The following RAD51B variants were observed in gnomAD, a reference collection of about 807,000 sequenced individuals.
RAD51B encodes the protein RAD51 paralog B.
Under a neutral mutation model 42.2 loss-of-function variants are expected in RAD51B, and 38 were observed. The observed-to-expected ratio is 0.90, with a 90% CI of 0.70 to 1.18. The LOEUF (loss-of-function observed/expected upper bound fraction) is 1.18, where lower values mean the gene tolerates loss of function less well. RAD51B is among the 50% of genes most tolerant of loss of function. The pLI, the probability that RAD51B is intolerant of heterozygous loss-of-function variation, is 0.00. For synonymous variants in RAD51B, 154 were observed against 145.2 expected, an observed-to-expected ratio of 1.06 and a Z score of -0.43; for missense variants, 373 against 400.7, an observed-to-expected ratio of 0.93 and a Z score of 0.59.
chr14:67,960,798 AGCTGGAACAACAG>A (rs2074647958), intron 7 of RAD51B, among the ~76,000 whole-genome samples: 1 of 151,992 alleles, frequency 6.6e-6, no homozygotes, highest in South Asian at 2.1e-4. Context: ...CCTCCCAAGT[AGCTGGAACAACAG>A]GCACCTGCCT....
chr14:68,056,240 ACT>A (rs1195790794), intron 7 of RAD51B, among the ~76,000 whole-genome samples: 1 of 151,610 alleles, frequency 6.6e-6, no homozygotes, highest in Non-Finnish European at 1.5e-5. Context: ...CTCACTGTAA[ACT>A]CTGCCTCCCA....
intron 7 of RAD51B, among the ~76,000 whole-genome samples, chr14:68,093,587 CTT>C (rs1269029645): frequency 4.6e-5 from 7 of 152,014 alleles, no homozygotes; most frequent in Admixed American, 2.6e-4. Flanking sequence ...TGATTCATCT[CTT>C]TTTTCTTCTT....
intron 7 of RAD51B, among the ~76,000 whole-genome samples, chr14:68,204,074 A>T (rs1249647709): frequency 6.6e-6 from 1 of 152,152 alleles, no homozygotes; most frequent in Non-Finnish European, 1.5e-5. Context: ...TCCTTCATGA[A>T]CTTTTGCTTT....
chr14:68,460,956 A>G (rs1372414058), intron 9 of RAD51B, among the ~76,000 whole-genome samples: 1 of 152,176 alleles, frequency 6.6e-6, no homozygotes, highest in Non-Finnish European at 1.5e-5. Context: ...TTATTCACTC[A>G]TTCATTCTTG....
rs1047496769 is a variant in RAD51B at position 68,441,378 on chromosome 14, TA to T, written c.958-26787del. Among the ~76,000 whole-genome samples, 4 of 143,106 alleles carry T rather than the reference TA, an allele frequency of 2.8e-5. 1 individual carries two copies. Among genetic ancestry groups the T allele is most frequent in the Non-Finnish European group, 6.1e-5 (4 of 65,368 alleles). 93.9% of individuals were successfully genotyped at this position (143,106 alleles called of 152,430 possible). A position where few individuals can be genotyped will look rare whatever the true frequency, so the allele number is the denominator to read the frequency against. Reference sequence around the variant, plus strand: ...TAACACGGTGAAACCCCGTCTCTAGTAAAAAAACAAAAAATTAGCCGGGCGC... The same window carrying T: ...TAACACGGTGAAACCCCGTCTCTAGTAAAAAACAAAAAATTAGCCGGGCGC... On this transcript the variant is annotated intron_variant, in intron 9 of 10. Transcript: ENST00000471583.
intron 7 of RAD51B, among the ~76,000 whole-genome samples, chr14:68,004,655 C>G (rs1241753564): frequency 6.6e-6 from 1 of 152,052 alleles, no homozygotes; most frequent in Non-Finnish European, 1.5e-5. Context: ...GTAGCTGTAG[C>G]TCAATGAATT....
chr14:68,162,245 T>A (rs562447623), intron 7 of RAD51B, among the ~76,000 whole-genome samples: 2 of 152,200 alleles, frequency 1.3e-5, no homozygotes, highest in African/African-American at 4.8e-5. Context: ...ATTATCTTGG[T>A]TAGTGAGTAA....
At chr14:68,326,998 A>T (rs2082263985) in intron 8 of RAD51B, among the ~76,000 whole-genome samples, 1 of 152,142 alleles carries the variant, frequency 6.6e-6, no homozygotes, top group Admixed American at 6.5e-5. Context: ...GGTGCACCCC[A>T]GTGGCCCAAC....
intron 10 of RAD51B, among the ~76,000 whole-genome samples, chr14:68,631,308 A>C (rs1031403141): frequency 6.6e-6 from 1 of 152,228 alleles, no homozygotes; most frequent in Non-Finnish European, 1.5e-5. Context: ...TGAGACCAGA[A>C]ATCAGGAAAA....
chr14:67,886,762 A>G, intron 6 of RAD51B: 1 of 300,494 alleles, frequency 3.3e-6, no homozygotes, highest in Non-Finnish European at 6.1e-6. Flanking sequence ...GGCTACCACA[A>G]GTAGTTTTAC....
chr14:68,525,309 A>G (rs1403030367), intron 10 of RAD51B, among the ~76,000 whole-genome samples: 3 of 152,272 alleles, frequency 2.0e-5, no homozygotes, highest in Non-Finnish European at 2.9e-5. Context: ...ATTTTAGCCC[A>G]GTGAGACCCA....
chr14:68,254,270 TC>T (rs982447386), intron 7 of RAD51B, among the ~76,000 whole-genome samples: 8 of 152,190 alleles, frequency 5.3e-5, no homozygotes, highest in Admixed American at 5.2e-4. Flanking sequence ...TGCTGTCTCT[TC>T]AAGTCGTTTC....
chr14:67,899,627 A>G (rs569469666), intron 7 of RAD51B, among the ~76,000 whole-genome samples: 37 of 152,284 alleles, frequency 2.4e-4, no homozygotes, highest in African/African-American at 7.5e-4. Context: ...GTTTGTGTTA[A>G]TTGTTTTACT....
chr14:67,943,786 G>C (rs549673446), intron 7 of RAD51B, among the ~76,000 whole-genome samples: 28 of 152,162 alleles, frequency 1.8e-4, no homozygotes, highest in African/African-American at 6.0e-4. Flanking sequence ...TAAACATTTT[G>C]GTTCCTATTG....
intron 11 of RAD51B, among the ~76,000 whole-genome samples, chr14:68,676,697 C>A (rs1893313293): frequency 6.6e-6 from 1 of 152,246 alleles, no homozygotes; most frequent in African/African-American, 2.4e-5. Context: ...AAGCCCCCTG[C>A]TGAGGAATCC....
chr14:68,539,163 C>G (rs1434775973), intron 10 of RAD51B, among the ~76,000 whole-genome samples: 1 of 152,216 alleles, frequency 6.6e-6, no homozygotes, highest in Non-Finnish European at 1.5e-5. Flanking sequence ...AGCAGTTGCT[C>G]TCCACAGGGA....
chr14:68,100,192 G>A (rs1420796530), intron 7 of RAD51B, among the ~76,000 whole-genome samples: 1 of 151,990 alleles, frequency 6.6e-6, no homozygotes, highest in Non-Finnish European at 1.5e-5. Context: ...AACTATAGAA[G>A]GTAGAAGGAA....
At chr14:67,845,598 G>T (rs1291741042) in intron 4 of RAD51B, among the ~76,000 whole-genome samples, 2 of 152,070 alleles carry the variant, frequency 1.3e-5, no homozygotes, top group Non-Finnish European at 2.9e-5. Flanking sequence ...GGCCCAGGAG[G>T]TCATTGCTGC....
At chr14:67,845,504 C>T (rs957187758) in intron 4 of RAD51B, among the ~76,000 whole-genome samples, 8 of 151,782 alleles carry the variant, frequency 5.3e-5, no homozygotes, top group Non-Finnish European at 1.2e-4. Context: ...CCTGTCTCTA[C>T]AAAAAATGCT....
Sources: gnomAD v4.1 joint callset for allele counts (sites outside exome capture counted in the v4.1 genomes callset) on GRCh38, gnomAD v4.1.1 for gene constraint, MANE v1.5 for transcripts, NCBI Gene and HGNC (gene_info 2026-07-23, HGNC 2026-07-21) for gene names.